HMCN1: variants seen among roughly 807,000 people sequenced by gnomAD.
HMCN1 encodes the protein hemicentin-1.
In HMCN1, 321 loss-of-function variants were observed where a neutral mutation model predicts 625.9. The ratio of observed to expected loss-of-function variants is 0.51; its 90% CI spans 0.47 to 0.56. The LOEUF (loss-of-function observed/expected upper bound fraction) is 0.56. HMCN1 is among the 20% of genes least tolerant of loss of function. HMCN1 has a pLI of 0.00. For missense variants in HMCN1, 6,588 were observed against 6,887.3 expected (o/e 0.96, Z 1.54); for synonymous variants, 2,425 against 2,417.6 (o/e 1.00, Z -0.09).
At chr1:186,115,957 G>A (rs1311249161) in intron 75 of HMCN1, among the ~76,000 whole-genome samples, 3 of 151,334 alleles carry the variant, frequency 2.0e-5, no homozygotes, top group African/African-American at 7.3e-5. Context: ...AATTTCTGAT[G>A]TTATAGGTGA....
intron 22 of HMCN1, among the ~76,000 whole-genome samples, chr1:185,990,730 A>C (rs1040861759): frequency 2.0e-5 from 3 of 152,218 alleles, no homozygotes; most frequent in African/African-American, 7.2e-5. Flanking sequence ...CTGTTAGCCC[A>C]ATGTGTAAGC....
chr1:185,803,221 A>C (rs1658932247), intron 1 of HMCN1, among the ~76,000 whole-genome samples: 1 of 146,870 alleles, frequency 6.8e-6, no homozygotes, highest in African/African-American at 2.6e-5. Context: ...AAAAAAAAAA[A>C]AACAAAACAA....
In HMCN1 at chr1:186,095,269, G is replaced by A. The variant is rs1370064189; in HGVS notation, c.10321G>A (p.Gly3441Arg). The A allele has an allele frequency of 6.2e-7, 1 of 1,613,694 alleles. No individual in the cohort carries two copies. Among genetic ancestry groups the A allele is most frequent in the East Asian group, 2.2e-5 (1 of 44,864 alleles). The part of the protein sequence containing the change: ...FAPPNMDNSM[G>R]TEEITVLKGS... The stretch of plus-strand genomic sequence containing the variant: ...ACCACCAAATATGGACAATTCAATG[G>A]GGACAGAGGAAATCACAGTTCTCAA... Residue 3441 changes from glycine (G) to arginine (R), a missense_variant, in exon 68 of 107, where the codon GGG (glycine) becomes AGG (arginine). Physicochemically the swap from Gly to Arg is moderately radical, Grantham distance 125. Transcript: ENST00000271588.
chr1:186,143,768 C>T (rs150557749), intron 89 of HMCN1, among the ~76,000 whole-genome samples: 100 of 152,318 alleles, frequency 6.6e-4, no homozygotes, highest in African/African-American at 2.3e-3. Context: ...TCTATAACCA[C>T]ATCTCAATCT....
chr1:186,082,793 C>T, intron 56 of HMCN1, 72 bp from the exon 57 acceptor site: 1 of 768,090 alleles, frequency 1.3e-6, no homozygotes, highest in South Asian at 2.2e-5. Flanking sequence ...ATTATTTATT[C>T]TAAAAAATAG....
intron 1 of HMCN1, among the ~76,000 whole-genome samples, chr1:185,783,403 T>C (rs540596817): frequency 4.9e-4 from 74 of 152,346 alleles, no homozygotes; most frequent in African/African-American, 1.7e-3. Context: ...CTACGTTTCT[T>C]TGGAGGGGGA....
chr1:186,154,291 C>G (rs752434255), intron 97 of HMCN1, among the ~76,000 whole-genome samples: 15 of 152,158 alleles, frequency 9.9e-5, no homozygotes, highest in Non-Finnish European at 1.9e-4. Context: ...CCTGTAATCC[C>G]AGCACTTTGG....
intron 105 of HMCN1, among the ~76,000 whole-genome samples, chr1:186,183,085 A>G (rs1653040100): frequency 6.6e-6 from 1 of 152,234 alleles, no homozygotes; most frequent in Non-Finnish European, 1.5e-5. Context: ...TTTTGTAGAC[A>G]AAATCTAGGA....
chr1:186,088,593 T>C lies in HMCN1; in HGVS notation c.9578-13T>C, dbSNP rs556030313. 5.0e-6 allele frequency: 8 copies of C among 1,610,290 alleles called. No individual in the cohort carries two copies. The highest frequency in any genetic ancestry group is 6.8e-6 in the Non-Finnish European group (8 of 1,177,986). Reference sequence around the variant, plus strand: ...TTTTTTTATGTTTTATTGTGCTTTGTTTCTACCTCTAGAAAATTCTGACTC... The same window carrying C: ...TTTTTTTATGTTTTATTGTGCTTTGCTTCTACCTCTAGAAAATTCTGACTC... On this transcript the variant is annotated splice_polypyrimidine_tract_variant and intron_variant, in intron 62 of 106. Transcript: ENST00000271588.
Position 186,037,797 on chromosome 1 carries a change from C to T in HMCN1, c.5750-137C>T, listed in dbSNP as rs1390564087. 1.2e-5 allele frequency: 8 copies of T among 660,356 alleles called. No individual in the cohort carries two copies. In the East Asian group the frequency reaches 1.6e-4, roughly 14 times the overall value. 40.9% of individuals were successfully genotyped at this position (660,356 alleles called of 1,614,324 possible). ...GTTCTTCAGTCTATTTAATAGTTTA[C>T]TTTTATTCCAAATAGGTCAGTGTAT... On this transcript the variant is annotated intron_variant, in intron 36 of 106. Coordinates refer to ENST00000271588, the MANE Select transcript of HMCN1 (RefSeq NM_031935.3).
At chr1:185,885,321 GCATACAGA>G (rs1664576213) in intron 4 of HMCN1, among the ~76,000 whole-genome samples, 1 of 151,830 alleles carries the variant, frequency 6.6e-6, no homozygotes, top group South Asian at 2.1e-4. Context: ...TCATATAAAG[GCATACAGA>G]CATAAAGACC....
At chr1:185,806,579 CA>C (rs922212755) in intron 1 of HMCN1, among the ~76,000 whole-genome samples, 3 of 148,010 alleles carry the variant, frequency 2.0e-5, no homozygotes, top group Non-Finnish European at 4.5e-5. Context: ...CATAAGACAT[CA>C]CTTAAAACTC....
intron 22 of HMCN1, among the ~76,000 whole-genome samples, chr1:185,991,720 A>G (rs1260008524): frequency 1.3e-5 from 2 of 151,960 alleles, no homozygotes; most frequent in African/African-American, 4.8e-5. Flanking sequence ...TTTAAAAAAA[A>G]AAACAAGGCT....
chr1:185,876,118 T>G (rs930191701), intron 4 of HMCN1, among the ~76,000 whole-genome samples: 6 of 152,094 alleles, frequency 3.9e-5, no homozygotes, highest in Admixed American at 2.0e-4. Context: ...AGTATGTTCA[T>G]GTACACCTAT....
intron 73 of HMCN1, 40 bp from the exon 74 acceptor site, chr1:186,114,779 A>C (rs1430813878): frequency 6.2e-7 from 1 of 1,612,424 alleles, no homozygotes; most frequent in South Asian, 1.1e-5. Flanking sequence ...CAATCAAAAA[A>C]GGCTGATTCA....
At chr1:186,133,693 T>C (rs1649360772) in intron 86 of HMCN1, among the ~76,000 whole-genome samples, 1 of 152,182 alleles carries the variant, frequency 6.6e-6, no homozygotes. Flanking sequence ...AAGACTCGAA[T>C]AGATGGATAG....
At chr1:186,083,500 T>TAAAAAAAAAA (rs58407499) in intron 57 of HMCN1, among the ~76,000 whole-genome samples, 3 of 123,650 alleles carry the variant, frequency 2.4e-5, no homozygotes, top group African/African-American at 6.3e-5. Flanking sequence ...CACTTTTTGC[T>TAAAAAAAAAA]AAAAAAAAAA....
chr1:185,930,135 A>G (rs1211294288), intron 10 of HMCN1, among the ~76,000 whole-genome samples: 3 of 152,192 alleles, frequency 2.0e-5, no homozygotes, highest in South Asian at 2.1e-4. Context: ...TCTAGTAGCC[A>G]TCTGTGATCT....
chr1:185,784,568 T>C (rs956272356), intron 1 of HMCN1, among the ~76,000 whole-genome samples: 3 of 152,192 alleles, frequency 2.0e-5, no homozygotes, highest in Admixed American at 6.5e-5. Flanking sequence ...ATAGTTGTGC[T>C]TTTTCATCTT....
Sources: gnomAD v4.1 joint callset for allele counts (sites outside exome capture counted in the v4.1 genomes callset) on GRCh38, gnomAD v4.1.1 for gene constraint, MANE v1.5 for transcripts, NCBI Gene and HGNC (gene_info 2026-07-23, HGNC 2026-07-21) for gene names.